Variants in NSD1 observed in about 807,000 individuals in gnomAD.
NSD1 encodes nuclear receptor binding SET domain protein 1.
Under a neutral mutation model 242.7 loss-of-function variants are expected in NSD1, and 26 were observed. The ratio of observed to expected loss-of-function variants is 0.11; its 90% confidence interval spans 0.08 to 0.15. The LOEUF is 0.15. NSD1 is among the 10% of genes least tolerant of loss of function. NSD1 has a pLI of 1.00. For synonymous variants in NSD1, 1,106 were observed against 1,178.1 expected (o/e 0.94, Z 1.25); for missense variants, 2,495 against 3,272.8 (o/e 0.76, Z 5.80).
At chr5:177,244,043 A>G (rs1158624381) in intron 8 of NSD1, 152 bp from the exon 9 acceptor site, 9 of 666,922 alleles carry the variant, frequency 1.3e-5, no homozygotes, top group African/African-American at 3.6e-5. Context: ...TTTCCGTTCA[A>G]CCCTTTACTG....
At chr5:177,258,536 T>C (rs940405815) in intron 13 of NSD1, among the ~76,000 whole-genome samples, 17 of 151,578 alleles carry the variant, frequency 1.1e-4, no homozygotes, top group Admixed American at 1.1e-3. Flanking sequence ...TTGTTGTTTG[T>C]TGTTGTTTTT....
In NSD1 at chr5:177,267,491, A is replaced by G. The variant is rs370534694; in HGVS notation, c.5147-71A>G. On this transcript the variant is annotated intron_variant, in intron 14 of 22. Coordinates refer to ENST00000439151, the MANE Select transcript of NSD1 (RefSeq NM_022455.5). ...GAAGAGAAAGAAAATATATATATAT[A>G]TGTGTATGGATGTACACATACATGA... 4.0e-4 allele frequency: 471 copies of G among 1,188,226 alleles called. No individual in the cohort carries two copies. The African/African-American group carries it at 4.5e-3, about 11-fold the overall frequency. 73.6% of individuals were successfully genotyped at this position (1,188,226 alleles called of 1,614,324 possible).
At position 177,211,586 on chromosome 5, in the gene NSD1, A is replaced by G. The variant is rs193290006; in HGVS notation, c.3187A>G (p.Thr1063Ala). 380 of 1,613,980 alleles carry G rather than the reference A, an allele frequency of 2.4e-4. 4 individuals are homozygous for G. In the East Asian group the frequency reaches 6.3e-3, roughly 27 times the overall value. ...KRKLNQLPSV[T>A]LDAVLQGDRE... ...AAAACTGAATCAGCTTCCAAGTGTGACTCTTGATGCTGTACTGCAGGGAGA... is the reference window on the plus strand; with the variant it reads ...AAAACTGAATCAGCTTCCAAGTGTGGCTCTTGATGCTGTACTGCAGGGAGA... Residue 1063 changes from threonine to alanine, a missense_variant, in exon 5 of 23, where the codon ACT becomes GCT. By Grantham distance (58) the Thr-to-Ala change is moderately conservative. Transcript: ENST00000439151.
chr5:177,135,934 T>G lies in NSD1; in HGVS notation c.831T>G (p.Ser277=). Reference sequence around the variant, plus strand: ...AGCAATTAAACTCAATAAATTTATCTTTTCAGGATGATCCAGATTCCAGTA... The same window carrying G: ...AGCAATTAAACTCAATAAATTTATCGTTTCAGGATGATCCAGATTCCAGTA... The part of the protein sequence containing the change: ...IEEQLNSINL[S]FQDDPDSSTS... The change falls in exon 2 of 23, where the codon TCT becomes TCG. Residue 277 remains serine, a synonymous_variant. Coordinates refer to ENST00000439151, the MANE Select transcript of NSD1 (RefSeq NM_022455.5). 1 of 1,613,384 alleles carries G rather than the reference T, an allele frequency of 6.2e-7. No individual in the cohort carries two copies. The highest frequency in any genetic ancestry group is 8.5e-7 in the Non-Finnish European group (1 of 1,179,394).
chr5:177,232,407 A>G (rs1765128489), intron 5 of NSD1, among the ~76,000 whole-genome samples: 1 of 152,204 alleles, frequency 6.6e-6, no homozygotes, highest in Non-Finnish European at 1.5e-5. Context: ...ATGCTCCAAA[A>G]TCGAAATCTT....
At chr5:177,232,239 G>A (rs1394775498) in intron 5 of NSD1, among the ~76,000 whole-genome samples, 1 of 152,160 alleles carries the variant, frequency 6.6e-6, no homozygotes, top group African/African-American at 2.4e-5. Context: ...ACAACCATAT[G>A]ATACTAAATC....
In NSD1 at chr5:177,226,798, A is replaced by C. The variant is rs181421182; in HGVS notation, c.3797-9023A>C. ...CTTTTCCAAGTCTGTATTCCCACTC[A>C]CAATCTAGTAATTAAAAAAAAATTT... On this transcript the variant is annotated intron_variant, in intron 5 of 22. Coordinates refer to ENST00000439151, the MANE Select transcript of NSD1 (RefSeq NM_022455.5). Among the ~76,000 whole-genome samples, 20 of 152,190 alleles carry C rather than the reference A, an allele frequency of 1.3e-4. No homozygotes were observed. The East Asian group carries it at 3.5e-3, about 26-fold the overall frequency.
Position 177,145,908 on chromosome 5 carries a change from CA to C in NSD1, c.927+9896del, listed in dbSNP as rs35091295. 9.5e-4 allele frequency among the ~76,000 whole-genome samples: 114 copies of C among 119,750 alleles called. 1 individual carries two copies. The highest frequency in any genetic ancestry group is 8.6e-4 in the Non-Finnish European group (51 of 58,984). The allele number at this position is 119,750 out of a possible 152,430, so 78.6% of individuals were successfully genotyped here. ...GGGCTAGAAGAGCGAAACTCCATCT[CA>C]AAAAAAAAAAAAAAAAATCAGGAAA... On this transcript the variant is annotated intron_variant, in intron 2 of 22. Coordinates refer to ENST00000439151, the MANE Select transcript of NSD1 (RefSeq NM_022455.5).
intron 5 of NSD1, among the ~76,000 whole-genome samples, chr5:177,222,795 G>A (rs1764339632): frequency 1.3e-5 from 2 of 151,896 alleles, no homozygotes; most frequent in African/African-American, 4.8e-5. Flanking sequence ...GGGTTTATTT[G>A]ATACACACAT....
At chr5:177,292,294 T>G (rs1759902730) in intron 22 of NSD1, 136 bp downstream of exon 22, 3 of 860,102 alleles carry the variant, frequency 3.5e-6, no homozygotes, top group Non-Finnish European at 5.7e-6. Context: ...GTCTATTTTC[T>G]TATTTTGGAA....
chr5:177,202,286 A>G (rs1030068366), intron 3 of NSD1, among the ~76,000 whole-genome samples: 6 of 151,936 alleles, frequency 3.9e-5, no homozygotes, highest in Non-Finnish European at 4.4e-5. Flanking sequence ...TTGTACTGTA[A>G]TCATTTATAT....
In NSD1 at chr5:177,282,781, T is replaced by TTTA. The variant is rs558016724; in HGVS notation, c.6009+201_6009+203dup. ...CATGGCCAGAGGCAATACAGCAGCT[T>TTTA]TTAGCATTGTTTTTGAACAATTCAA... On this transcript the variant is annotated intron_variant, in intron 19 of 22. Transcript: ENST00000439151. Among the ~76,000 whole-genome samples the TTTA allele has an allele frequency of 1.5e-3, 235 of 152,298 alleles. 5 individuals carry two copies. The highest frequency in any genetic ancestry group is 1.5e-3 in the Non-Finnish European group (100 of 68,042).
intron 3 of NSD1, among the ~76,000 whole-genome samples, chr5:177,199,671 C>T (rs542148082): frequency 1.3e-5 from 2 of 151,888 alleles, no homozygotes; most frequent in South Asian, 4.2e-4. Context: ...ACGATCTCAG[C>T]TCACTGCAAC....
intron 2 of NSD1, among the ~76,000 whole-genome samples, chr5:177,150,132 AT>A (rs1757583181): frequency 1.3e-5 from 2 of 149,638 alleles, no homozygotes; most frequent in African/African-American, 4.9e-5. Context: ...TTTAATTTTT[AT>A]TTATTTATTT....
At chr5:177,146,198 A>G (rs962640245) in intron 2 of NSD1, among the ~76,000 whole-genome samples, 3 of 145,980 alleles carry the variant, frequency 2.1e-5, no homozygotes, top group Non-Finnish European at 4.5e-5. Context: ...GATGTACTTC[A>G]CCAATCGTTT....
chr5:177,265,193 G>T (rs1329038073), intron 14 of NSD1: 2 of 779,854 alleles, frequency 2.6e-6, no homozygotes, highest in African/African-American at 1.7e-5. Flanking sequence ...GAACCAATGG[G>T]AAGGAGTCTG....
chr5:177,195,932 G>A (rs576278800), intron 3 of NSD1, among the ~76,000 whole-genome samples: 2 of 152,104 alleles, frequency 1.3e-5, no homozygotes, highest in South Asian at 4.2e-4. Flanking sequence ...CTAGTATAAG[G>A]GACAAGACAC....
In NSD1 at chr5:177,295,399, A is replaced by G; in HGVS notation, c.8031A>G (p.Thr2677=). ...RGQDPKPEQN[T]LPALNQAPSS... ...AAGACCCCAAACCAGAGCAAAATAC[A>G]CTTCCAGCTCTTAACCAGGCTCCTT... Residue 2677 remains threonine (T), a synonymous_variant, in exon 23 of 23, where the codon ACA becomes ACG. Coordinates refer to ENST00000439151, the MANE Select transcript of NSD1 (RefSeq NM_022455.5). The surrounding 1 kb of genome is among the most constrained non-coding windows in gnomAD (Gnocchi z 4.3). The G allele has an allele frequency of 1.2e-6, 2 of 1,614,174 alleles. No homozygotes were observed. The highest frequency in any genetic ancestry group is 2.2e-5 in the East Asian group (1 of 44,882).
intron 8 of NSD1, among the ~76,000 whole-genome samples, chr5:177,242,514 A>ATTTATTTATTTATTTAT (rs1554196719): frequency 6.9e-6 from 1 of 145,492 alleles, no homozygotes; most frequent in East Asian, 2.0e-4. Flanking sequence ...AATGGCCTTT[A>ATTTATTTATTTATTTAT]TTATTTATTT....
Sources: allele counts gnomAD v4.1 joint callset (sites outside exome capture counted in the v4.1 genomes callset), GRCh38; gene constraint gnomAD v4.1.1; non-coding constraint Gnocchi (gnomAD v3.1); transcripts MANE v1.5; gene names NCBI Gene and HGNC (gene_info 2026-07-23, HGNC 2026-07-21).